LARGE1: variants seen among roughly 807,000 people sequenced by gnomAD.
LARGE1 encodes LARGE xylosyl- and glucuronyltransferase 1.
Under a neutral mutation model 87.6 loss-of-function variants are expected in LARGE1, and 43 were observed. That is an observed-to-expected ratio of 0.49 (90% confidence interval 0.38 to 0.63). The LOEUF is 0.63. LARGE1 is among the 30% of genes least tolerant of loss of function. The pLI is 0.00. For missense variants in LARGE1, 802 were observed against 1,000.2 expected, an observed-to-expected ratio of 0.80 and a Z score of 2.67; for synonymous variants, 434 against 394.6, an observed-to-expected ratio of 1.10 and a Z score of -1.18.
intron 6 of LARGE1, among the ~76,000 whole-genome samples, chr22:33,541,729 C>T (rs1602334826): frequency 2.8e-5 from 4 of 141,418 alleles, no homozygotes; most frequent in African/African-American, 1.0e-4. Flanking sequence ...AAGGAAAACA[C>T]ATTTTCTTTC....
At chr22:33,335,762 C>T (rs375365366) in intron 10 of LARGE1, among the ~76,000 whole-genome samples, 2 of 152,190 alleles carry the variant, frequency 1.3e-5, no homozygotes, top group South Asian at 4.2e-4. Flanking sequence ...CTACCTGGAA[C>T]GTGCTCCCTT....
intron 6 of LARGE1, among the ~76,000 whole-genome samples, chr22:33,514,368 A>G (rs1010291575): frequency 3.9e-5 from 6 of 152,200 alleles, no homozygotes; most frequent in African/African-American, 1.2e-4. Context: ...ATGCACACAC[A>G]TATGTATCAC....
At chr22:33,364,136 A>G (rs1220384228) in intron 9 of LARGE1, among the ~76,000 whole-genome samples, 7 of 150,694 alleles carry the variant, frequency 4.6e-5, no homozygotes, top group Admixed American at 2.0e-4. Flanking sequence ...CTCACTGCAA[A>G]CTCCGCCCCC....
intron 1 of LARGE1, among the ~76,000 whole-genome samples, chr22:33,782,304 A>G (rs1451257247): frequency 6.6e-6 from 1 of 152,202 alleles, no homozygotes; most frequent in Non-Finnish European, 1.5e-5. Context: ...ATCCACAGAG[A>G]CAGAACATGG....
intron 1 of LARGE1, among the ~76,000 whole-genome samples, chr22:33,882,035 GTTTTTT>G (rs56757133): frequency 1.4e-5 from 2 of 144,228 alleles, no homozygotes; most frequent in South Asian, 2.2e-4. Context: ...TTTTGTTTTT[GTTTTTT>G]TTTGTTTTTT....
intron 12 of LARGE1, 25 bp from the exon 13 acceptor site, chr22:33,283,373 G>A (rs762977682): frequency 3.8e-5 from 62 of 1,613,944 alleles, no homozygotes; most frequent in South Asian, 3.0e-4. Flanking sequence ...CAGGCAGAGA[G>A]ACAGAGTCCC....
chr22:33,587,674 G>A lies in LARGE1; in HGVS notation c.615+16761C>T, dbSNP rs555332863. On this transcript the variant is annotated intron_variant, in intron 5 of 14. Coordinates refer to ENST00000397394, the MANE Select transcript of LARGE1 (RefSeq NM_133642.5). ...CTTTAATTTTGTTTCAGTTTATTCAGAATTTTCCCCTTGATTTTTTCCATT... is the reference window on the plus strand; with the variant it reads ...CTTTAATTTTGTTTCAGTTTATTCAAAATTTTCCCCTTGATTTTTTCCATT... Among the ~76,000 whole-genome samples the A allele has an allele frequency of 3.6e-4, 54 of 151,088 alleles. No individual in the cohort carries two copies. In the South Asian group the frequency reaches 7.9e-3, roughly 22 times the overall value.
chr22:33,350,667 G>A (rs998338961), intron 9 of LARGE1, among the ~76,000 whole-genome samples: 2 of 152,228 alleles, frequency 1.3e-5, no homozygotes, highest in South Asian at 4.1e-4. Context: ...AACCCTGGGA[G>A]AGGCAGCTGT....
intron 5 of LARGE1, among the ~76,000 whole-genome samples, chr22:33,580,506 G>T (rs575732592): frequency 2.6e-5 from 4 of 152,298 alleles, no homozygotes; most frequent in African/African-American, 9.6e-5. Context: ...CAAGAAGGAA[G>T]AAATATTTCA....
At chr22:33,775,518 A>C (rs1171208016) in intron 1 of LARGE1, among the ~76,000 whole-genome samples, 2 of 140,466 alleles carry the variant, frequency 1.4e-5, no homozygotes, top group African/African-American at 5.3e-5. Flanking sequence ...AATTTACCCC[A>C]GGGGACATTT....
At chr22:33,172,903 A>G (rs1470455347) in intron 11 of LARGE1, among the ~76,000 whole-genome samples, 1 of 152,226 alleles carries the variant, frequency 6.6e-6, no homozygotes, top group African/African-American at 2.4e-5. Context: ...TGAAAGTGAC[A>G]GGGAGAATGG....
chr22:33,547,793 C>CAAA lies in LARGE1; in HGVS notation c.787+17052_787+17054dup, dbSNP rs57220257. Among the ~76,000 whole-genome samples the CAAA allele has an allele frequency of 6.4e-4, 23 of 35,744 alleles. 1 individual carries two copies. Among genetic ancestry groups the CAAA allele is most frequent in the South Asian group, 2.0e-3 (1 of 500 alleles). The allele number at this position is 35,744 out of a possible 152,430, so 23.4% of individuals were successfully genotyped here. ...TGGACGACAGAGTGAGACTCCATCTCAAAAAAAAAAAAAAAAAAAAAAAAA... is the reference window on the plus strand; with the variant it reads ...TGGACGACAGAGTGAGACTCCATCTCAAAAAAAAAAAAAAAAAAAAAAAAAAAA... On this transcript the variant is annotated intron_variant, in intron 6 of 14. Transcript: ENST00000397394.
At chr22:33,680,212 C>A (rs5994787) in intron 2 of LARGE1, among the ~76,000 whole-genome samples, 1 of 152,094 alleles carries the variant, frequency 6.6e-6, no homozygotes, top group Non-Finnish European at 1.5e-5. Context: ...GAGAAGTAAG[C>A]GAGATGGTCC....
At chr22:33,078,313 G>A in the LARGE1 span, among the ~76,000 whole-genome samples, 1 of 152,166 alleles carries the variant, frequency 6.6e-6, no homozygotes, top group Non-Finnish European at 1.5e-5. Context: ...GTCAGTGATA[G>A]GCATAGCTAT....
intron 6 of LARGE1, among the ~76,000 whole-genome samples, chr22:33,512,414 T>C (rs1391835168): frequency 5.3e-5 from 8 of 152,138 alleles, no homozygotes; most frequent in Non-Finnish European, 1.5e-5. Flanking sequence ...ATCGATAATA[T>C]TAAGTGAAAA....
chr22:33,321,762 G>T (rs1486343808), intron 10 of LARGE1, among the ~76,000 whole-genome samples: 1 of 152,186 alleles, frequency 6.6e-6, no homozygotes, highest in African/African-American at 2.4e-5. Flanking sequence ...ATGGGCATTA[G>T]TGAGTGGAGA....
chr22:33,186,088 G>C (rs1376845408), intron 11 of LARGE1, among the ~76,000 whole-genome samples: 1 of 152,072 alleles, frequency 6.6e-6, no homozygotes, highest in Non-Finnish European at 1.5e-5. Context: ...CACTGTTGAA[G>C]TCTATCAACC....
chr22:33,571,659 G>GT (rs2078208650), intron 5 of LARGE1, among the ~76,000 whole-genome samples: 1 of 152,158 alleles, frequency 6.6e-6, no homozygotes. Flanking sequence ...CGTGCTGGGT[G>GT]TCAGGCATTG....
chr22:33,795,474 G>A (rs1390344806), intron 1 of LARGE1, among the ~76,000 whole-genome samples: 1 of 152,114 alleles, frequency 6.6e-6, no homozygotes, highest in Non-Finnish European at 1.5e-5. Flanking sequence ...AGACATAGTG[G>A]TTAAGAATAT....
Sources: gnomAD v4.1 joint callset for allele counts (sites outside exome capture counted in the v4.1 genomes callset) on GRCh38, gnomAD v4.1.1 for gene constraint, MANE v1.5 for transcripts, NCBI Gene and HGNC (gene_info 2026-07-23, HGNC 2026-07-21) for gene names.